The following TBX3 variants were observed in gnomAD, a reference collection of about 807,000 sequenced individuals.
The protein encoded by TBX3 is T-box transcription factor TBX3.
TBX3 carries 11 observed loss-of-function variants against 47.8 expected under a neutral mutation model. The observed-to-expected ratio is 0.23, with a 90% CI of 0.14 to 0.38. The LOEUF is 0.38. TBX3 is among the 10% of genes least tolerant of loss of function. The probability of loss-of-function intolerance (pLI) is 1.00; values close to 1 mark genes in which losing one functional copy is unlikely to be tolerated. For synonymous variants in TBX3, 500 were observed against 449.3 expected (o/e 1.11, Z -1.43); for missense variants, 927 against 1,022.8 (o/e 0.91, Z 1.28).
chr12:114,672,342 G>A (rs1044589578), intron 6 of TBX3, 40 bp from the exon 7 acceptor site: 28 of 1,479,818 alleles, frequency 1.9e-5, no homozygotes, highest in South Asian at 2.7e-5. Flanking sequence ...TCAGCCGGGT[G>A]GGAGGAGCTT....
chr12:114,677,559 T>A (rs757126073), intron 4 of TBX3, 21 bp downstream of exon 4: 86 of 1,612,650 alleles, frequency 5.3e-5, no homozygotes, highest in Non-Finnish European at 7.1e-5. Context: ...AACTATCTAA[T>A]AAATAATTGT....
In TBX3 at chr12:114,683,643, T is replaced by G; in HGVS notation, c.-443A>C. 8.5e-6 allele frequency: 2 copies of G among 234,580 alleles called. No individual in the cohort carries two copies. Among genetic ancestry groups the G allele is most frequent in the Non-Finnish European group, 8.3e-6 (1 of 119,850 alleles). The allele number at this position is 234,580 out of a possible 1,614,324, so 14.5% of individuals were successfully genotyped here. A position where few individuals can be genotyped will look rare whatever the true frequency, so the allele number is the denominator to read the frequency against. On this transcript the variant is annotated 5_prime_UTR_variant, in exon 1 of 7. Coordinates refer to ENST00000349155, the MANE Select transcript of TBX3 (RefSeq NM_005996.4). The surrounding 1 kb of genome is among the most constrained non-coding windows in gnomAD (Gnocchi z 7.7). Reference sequence around the variant, plus strand: ...GGTCTTTTGTTGCAAATGTGAAAGGTTCTCCTAGAAGACTTTTTACCTTTC... The same window carrying G: ...GGTCTTTTGTTGCAAATGTGAAAGGGTCTCCTAGAAGACTTTTTACCTTTC...
chr12:114,671,593 C>G lies in TBX3; in HGVS notation c.*248G>C. ...GACATAAATGTTGGAACTCCTACCC[C>G]CAGTAGCTCAATGCAACCGACGTTT... is the stretch of plus-strand genomic sequence containing the variant. On this transcript the variant is annotated 3_prime_UTR_variant, in exon 7 of 7. Transcript: ENST00000349155. 1.7e-6 allele frequency: 1 copy of G among 587,930 alleles called. No individual in the cohort carries two copies. The highest frequency in any genetic ancestry group is 2.0e-5 in the South Asian group (1 of 49,532). The allele number at this position is 587,930 out of a possible 1,614,324, so 36.4% of individuals were successfully genotyped here.
chr12:114,677,432 T>C, intron 4 of TBX3, 148 bp downstream of exon 4: 1 of 759,082 alleles, frequency 1.3e-6, no homozygotes, highest in Non-Finnish European at 2.3e-6. Flanking sequence ...GGTATACTGA[T>C]AGCGGCAAGC....
chr12:114,675,121 TTA>T (rs1868649961), intron 5 of TBX3, among the ~76,000 whole-genome samples: 1 of 152,264 alleles, frequency 6.6e-6, no homozygotes, highest in South Asian at 2.1e-4. Context: ...GTAGCTCTTC[TTA>T]TTTTAATGAA....
chr12:114,672,787 TTTC>T (rs1346003953), intron 6 of TBX3, among the ~76,000 whole-genome samples: 2 of 152,056 alleles, frequency 1.3e-5, no homozygotes, highest in South Asian at 2.1e-4. Flanking sequence ...TTTTTAAATC[TTTC>T]TTCTTCCCCA....
intron 5 of TBX3, among the ~76,000 whole-genome samples, chr12:114,675,376 C>A (rs1868660214): frequency 6.6e-6 from 1 of 152,150 alleles, no homozygotes; most frequent in African/African-American, 2.4e-5. Flanking sequence ...AGAACGGACA[C>A]CTGTCCTTCA....
intron 1 of TBX3, among the ~76,000 whole-genome samples, chr12:114,681,756 AAC>A (rs1868938379): frequency 6.6e-6 from 1 of 152,220 alleles, no homozygotes; most frequent in Admixed American, 6.5e-5. Context: ...TGGAGCTGCT[AAC>A]ACATTCCCCC....
Position 114,674,559 on chromosome 12 carries a change from C to A in TBX3, c.1316G>T (p.Arg439Leu). 6.4e-7 allele frequency: 1 copy of A among 1,562,474 alleles called. No individual in the cohort carries two copies. Among genetic ancestry groups the A allele is most frequent in the Non-Finnish European group, 8.6e-7 (1 of 1,158,014 alleles). ...CACCTTGGCCGGCGCTGTGCCCTCG[C>A]GAACCGGGCTCCTGCGCTCCTCCGC... ...LGAEERRSPV[R>L]EGTAPAKVEE... Residue 439 changes from arginine (R) to leucine (L), a missense_variant, in exon 6 of 7, where the codon CGC becomes CTC. Coordinates refer to ENST00000349155, the MANE Select transcript of TBX3 (RefSeq NM_005996.4).
In TBX3 at chr12:114,672,263, G is replaced by T; in HGVS notation, c.1750C>A (p.Pro584Thr). 2 of 1,576,942 alleles carry T rather than the reference G, an allele frequency of 1.3e-6. No homozygotes were observed. The highest frequency in any genetic ancestry group is 2.3e-5 in the South Asian group (2 of 86,174). The part of the protein sequence containing the change: ...MSPFGSLFPY[P>T]YTYMAAAAAA... ...GCCGCTGCGGCCATGTACGTGTAGG[G>T]GTAAGGGAACAGGCTTCCGAAAGGG... The change falls in exon 7 of 7, where the codon CCC becomes ACC. Residue 584 changes from proline (P) to threonine (T), a missense_variant. Around this residue, in one of 5 missense-constraint regions of TBX3, gnomAD observed 623 missense variants for 569.0 expected, o/e 1.09. Transcript: ENST00000349155.
At chr12:114,677,186 C>T (rs1412386845) in intron 4 of TBX3, among the ~76,000 whole-genome samples, 1 of 152,152 alleles carries the variant, frequency 6.6e-6, no homozygotes, top group African/African-American at 2.4e-5. Context: ...TACATCTTTC[C>T]GAAGTCCCCA....
Position 114,674,514 on chromosome 12 carries a change from G to A in TBX3, c.1361C>T (p.Pro454Leu), listed in dbSNP as rs762031545. The change falls in exon 6 of 7, where the codon CCG becomes CTG. Residue 454 changes from proline to leucine, a missense_variant. Pro to Leu is a moderately conservative substitution (Grantham distance 98, BLOSUM62 -3). Coordinates refer to ENST00000349155, the MANE Select transcript of TBX3 (RefSeq NM_005996.4). ...GAGCGGCGCGAAGGCCTCCTTGCCC[G>A]GGAGCGCGCGCGCCTCTTCCACCTT... ...PAKVEEARAL[P>L]GKEAFAPLTV... is the part of the protein sequence containing the mutation. The A allele has an allele frequency of 6.6e-7, 1 of 1,510,274 alleles. No individual in the cohort carries two copies. The highest frequency in any genetic ancestry group is 2.3e-5 in the Admixed American group (1 of 44,306). The allele number at this position is 1,510,274 out of a possible 1,614,324, so 93.6% of individuals were successfully genotyped here.
In TBX3 at chr12:114,677,652, G is replaced by A; in HGVS notation, c.809C>T (p.Thr270Ile). ...AVTAYQNDKITQLKIDNNPFA... is the reference protein window; with the variant it reads ...AVTAYQNDKIIQLKIDNNPFA... ...AGGGTTGTTGTCTATTTTTAACTGGGTTATCTATTGGAAGAGACACAAGCA... is the reference window on the plus strand; with the variant it reads ...AGGGTTGTTGTCTATTTTTAACTGGATTATCTATTGGAAGAGACACAAGCA... Residue 270 changes from threonine (T) to isoleucine (I), a missense_variant, in exon 4 of 7, where the codon ACC becomes ATC. Coordinates refer to ENST00000349155, the MANE Select transcript of TBX3 (RefSeq NM_005996.4). The A allele has an allele frequency of 6.2e-7, 1 of 1,613,918 alleles. No individual in the cohort carries two copies. Among genetic ancestry groups the A allele is most frequent in the South Asian group, 1.1e-5 (1 of 91,078 alleles).
At chr12:114,682,696 G>C (rs988871481) in intron 1 of TBX3, 116 bp downstream of exon 1, 2 of 1,511,170 alleles carry the variant, frequency 1.3e-6, no homozygotes, top group Non-Finnish European at 1.8e-6. Flanking sequence ...ATTTCTAGGG[G>C]AACTAACTTT....
At chr12:114,679,733 A>C in intron 2 of TBX3, 82 bp from the exon 3 acceptor site, 1 of 1,602,120 alleles carries the variant, frequency 6.2e-7, no homozygotes, top group Non-Finnish European at 8.6e-7. Context: ...TGCCAGGCTG[A>C]AATCTTCCCC....
Sources: allele counts gnomAD v4.1 joint callset (sites outside exome capture counted in the v4.1 genomes callset), GRCh38; gene constraint gnomAD v4.1.1; regional missense constraint gnomAD v4.1.1; non-coding constraint Gnocchi (gnomAD v3.1); transcripts MANE v1.5; gene names NCBI Gene and HGNC (gene_info 2026-07-23, HGNC 2026-07-21).